SALL4: variants seen among roughly 807,000 people sequenced by gnomAD.
SALL4 encodes the protein sal-like protein 4.
In SALL4, 4 loss-of-function variants were observed where a neutral mutation model predicts 60.8. That is an observed-to-expected ratio of 0.07 (90% CI 0.03 to 0.15). The LOEUF (loss-of-function observed/expected upper bound fraction) is 0.15, where lower values mean the gene tolerates loss of function less well. Ranked by LOEUF, SALL4 falls within the 10% of genes least tolerant of loss-of-function variation. SALL4 has a pLI of 1.00. For synonymous variants in SALL4, 580 were observed against 574.9 expected (o/e 1.01, Z -0.13); for missense variants, 1,178 against 1,394.7 (o/e 0.84, Z 2.48).
At chr20:51,800,698 C>T (rs566449609) in intron 1 of SALL4, among the ~76,000 whole-genome samples, 170 of 152,158 alleles carry the variant, frequency 1.1e-3, no homozygotes, top group African/African-American at 4.0e-3. Context: ...GTGGGCCAGG[C>T]CACGAAGCCT....
In SALL4 at chr20:51,784,106, T is replaced by G; in HGVS notation, c.*159A>C. 1.3e-6 allele frequency: 1 copy of G among 791,842 alleles called. No homozygotes were observed. The highest frequency in any genetic ancestry group is 2.6e-5 in the East Asian group (1 of 38,600). The allele number at this position is 791,842 out of a possible 1,614,324, so 49.1% of individuals were successfully genotyped here. ...CAAAGCAGCATAGCAACAATCGTGA[T>G]TGTAGCACTTGCCTGAGGTTGTGGT... On this transcript the variant is annotated 3_prime_UTR_variant, in exon 4 of 4. Coordinates refer to ENST00000217086, the MANE Select transcript of SALL4 (RefSeq NM_020436.5).
intron 1 of SALL4, chr20:51,792,724 T>C: frequency 1.8e-6 from 1 of 565,896 alleles, no homozygotes; most frequent in Non-Finnish European, 2.4e-6. Context: ...AAAAGGCTGA[T>C]CCCTGAATTT....
intron 1 of SALL4, 52 bp from the exon 2 acceptor site, chr20:51,792,404 G>A (rs1485904747): frequency 1.3e-6 from 2 of 1,593,144 alleles, no homozygotes; most frequent in African/African-American, 1.3e-5. Context: ...AAGATGTGGG[G>A]GGAGCCGGGC....
At chr20:51,794,427 C>A (rs2078068185) in intron 1 of SALL4, among the ~76,000 whole-genome samples, 1 of 152,078 alleles carries the variant, frequency 6.6e-6, no homozygotes. Flanking sequence ...GTGGCGCATG[C>A]CTAATCCCAG....
At chr20:51,792,687 TC>T (rs2078055534) in intron 1 of SALL4, 2 of 100,536 alleles carry the variant, frequency 2.0e-5, no homozygotes, top group Non-Finnish European at 2.2e-5. Flanking sequence ...AGACTCCATC[TC>T]AAAAAAAAAA....
rs1182627169 is a variant in SALL4, at chr20:51,790,820, C to T, written c.1663G>A (p.Val555Met). The T allele has an allele frequency of 6.2e-7, 1 of 1,613,972 alleles. No individual in the cohort carries two copies. Among genetic ancestry groups the T allele is most frequent in the Non-Finnish European group, 8.5e-7 (1 of 1,180,028 alleles). Residue 555 changes from valine to methionine, a missense_variant, in exon 2 of 4, where the codon GTG becomes ATG. Val to Met is a conservative substitution (Grantham distance 21, BLOSUM62 1). Transcript: ENST00000217086. The surrounding 1 kb of genome is among the most constrained non-coding windows in gnomAD (Gnocchi z 5.5). Reference sequence around the variant, plus strand: ...GTGGTGGCCTTGTCAATGTTCTCCACCAACTGCTGCAATTTCAGGGTCTCT... The same window carrying T: ...GTGGTGGCCTTGTCAATGTTCTCCATCAACTGCTGCAATTTCAGGGTCTCT... ...GSETLKLQQL[V>M]ENIDKATTDP...
rs1491146122 is a variant in SALL4 at position 51,784,027 on chromosome 20, AAG to A, written c.*236_*237del. The A allele has an allele frequency of 1.6e-5, 9 of 547,072 alleles. No homozygotes were observed. The highest frequency in any genetic ancestry group is 6.2e-5 in the South Asian group (3 of 48,172). 33.9% of individuals were successfully genotyped at this position (547,072 alleles called of 1,614,324 possible). Reference sequence around the variant, plus strand: ...AGAGCGAGACTCCATCTCAAAAAAAAAGAGTCTGTATTTGTTTTGGTATGCAT... The same window carrying A: ...AGAGCGAGACTCCATCTCAAAAAAAAAGTCTGTATTTGTTTTGGTATGCAT... On this transcript the variant is annotated 3_prime_UTR_variant, in exon 4 of 4. Coordinates refer to ENST00000217086, the MANE Select transcript of SALL4 (RefSeq NM_020436.5).
rs1345300722 is a variant in SALL4 at position 51,791,115 on chromosome 20, G to A, written c.1368C>T (p.Pro456=). The A allele has an allele frequency of 1.2e-6, 2 of 1,614,160 alleles. No homozygotes were observed. Among genetic ancestry groups the A allele is most frequent in the Non-Finnish European group, 8.5e-7 (1 of 1,180,038 alleles). ...QDKVAAGNGI[P]YALSVPDPID... ...TGGGGTCAGGTACAGAGAGTGCATA[G>A]GGGATGCCATTGCCGGCCGCCACTT... is the stretch of plus-strand genomic sequence containing the variant. Residue 456 remains proline (P), a synonymous_variant, in exon 2 of 4, where the codon CCC becomes CCT. Coordinates refer to ENST00000217086, the MANE Select transcript of SALL4 (RefSeq NM_020436.5). This position sits in a 1 kb window ranked among gnomAD's most constrained non-coding sequence, Gnocchi z 4.6.
rs1488900520 is a variant in SALL4, at chr20:51,790,726, C to T, written c.1757G>A (p.Arg586His). The change falls in exon 2 of 4, where the codon CGC (arginine) becomes CAC (histidine). Residue 586 changes from arginine (R) to histidine (H), a missense_variant. Around this residue, in one of 5 missense-constraint regions of SALL4, gnomAD observed 853 missense variants for 1,036.8 expected, o/e 0.82. Transcript: ENST00000217086. This position sits in a 1 kb window ranked among gnomAD's most constrained non-coding sequence, Gnocchi z 5.5. The stretch of plus-strand genomic sequence containing the variant: ...GAACGGTCTCTCCCCGGTGTGGGTG[C>T]GATAATGCATCTTGAGGGAGCTCTG... ...SCQSSLKMHY[R>H]THTGERPFQC... 9 of 1,613,920 alleles carry T rather than the reference C, an allele frequency of 5.6e-6. No homozygotes were observed. Among genetic ancestry groups the T allele is most frequent in the Admixed American group, 1.7e-5 (1 of 59,976 alleles).
Position 51,792,250 on chromosome 20 carries a change from C to A in SALL4, c.233G>T (p.Cys78Phe). The change falls in exon 2 of 4, where the codon TGT becomes TTT. Residue 78 changes from cysteine (C) to phenylalanine (F), a missense_variant. Cys to Phe is a radical substitution (Grantham distance 205). This residue lies in a region of SALL4 where 108 missense variants were observed against 95.7 expected (regional missense o/e 1.13). Transcript: ENST00000217086. ...CTCAGAGATGCTGAAGAACTCCGCA[C>A]AGCATTTCTCACAGACGTGCGTCTC... ...REETHVCEKC[C>F]AEFFSISEFL... The A allele has an allele frequency of 6.2e-7, 1 of 1,613,908 alleles. No individual in the cohort carries two copies. Among genetic ancestry groups the A allele is most frequent in the Non-Finnish European group, 8.5e-7 (1 of 1,180,038 alleles).
intron 3 of SALL4, among the ~76,000 whole-genome samples, chr20:51,787,479 C>A (rs996183189): frequency 6.6e-6 from 1 of 152,110 alleles, no homozygotes; most frequent in Admixed American, 6.5e-5. Context: ...ATAATTGCTA[C>A]AGAGAAAAAT....
chr20:51,784,131 T>A lies in SALL4; in HGVS notation c.*134A>T. On this transcript the variant is annotated 3_prime_UTR_variant, in exon 4 of 4. Coordinates refer to ENST00000217086, the MANE Select transcript of SALL4 (RefSeq NM_020436.5). The stretch of plus-strand genomic sequence containing the variant: ...TTGTAGCACTTGCCTGAGGTTGTGG[T>A]CACAACCAACGTAGTAAACATCATT... The A allele has an allele frequency of 9.4e-7, 1 of 1,063,202 alleles. No homozygotes were observed. The highest frequency in any genetic ancestry group is 2.4e-5 in the East Asian group (1 of 41,048). 65.9% of individuals were successfully genotyped at this position (1,063,202 alleles called of 1,614,324 possible).
At chr20:51,785,025 A>T (rs2077981937) in intron 3 of SALL4, among the ~76,000 whole-genome samples, 1 of 152,162 alleles carries the variant, frequency 6.6e-6, no homozygotes, top group South Asian at 2.1e-4. Flanking sequence ...CATGTAGGCC[A>T]GGCACGGTGG....
intron 3 of SALL4, among the ~76,000 whole-genome samples, chr20:51,787,814 GCTT>G (rs1463419262): frequency 6.6e-6 from 1 of 151,636 alleles, no homozygotes; most frequent in Non-Finnish European, 1.5e-5. Flanking sequence ...GCCCTTTTCA[GCTT>G]CTTAAGAGTT....
rs764908252 is a variant in SALL4, at chr20:51,792,107, T to C, written c.376A>G (p.Ser126Gly). Residue 126 changes from serine to glycine, a missense_variant, in exon 2 of 4, where the codon AGT (serine) becomes GGT (glycine). By Grantham distance (56) the Ser-to-Gly change is moderately conservative. Around this residue, in one of 5 missense-constraint regions of SALL4, gnomAD observed 853 missense variants for 1,036.8 expected, o/e 0.82. Transcript: ENST00000217086. ...CTGTGACAGTCCTTACTGCCGGGAC[T>C]GGTGGGCTGGTGGCTCAGTACAGCT... ...SGAVLSHQPT[S>G]PGSKDCHREN... is the part of the protein sequence containing the mutation. 6.2e-7 allele frequency: 1 copy of C among 1,614,108 alleles called. No homozygotes were observed. Among genetic ancestry groups the C allele is most frequent in the African/African-American group, 1.3e-5 (1 of 74,938 alleles).
At chr20:51,786,232 G>A (rs998244367) in intron 3 of SALL4, among the ~76,000 whole-genome samples, 21 of 150,798 alleles carry the variant, frequency 1.4e-4, no homozygotes, top group African/African-American at 2.2e-4. Flanking sequence ...GACTACAGGC[G>A]CCCACCGCCA....
intron 1 of SALL4, among the ~76,000 whole-genome samples, chr20:51,797,764 G>A (rs1232177943): frequency 8.5e-6 from 1 of 117,988 alleles, no homozygotes; most frequent in Admixed American, 1.2e-4. Flanking sequence ...CCAATAAGTT[G>A]GAAGAATGCA....
In SALL4 at chr20:51,783,925, C is replaced by A. The variant is rs113751216; in HGVS notation, c.*340G>T. 1.7e-3 allele frequency: 563 copies of A among 328,278 alleles called. 2 individuals carry two copies. Among genetic ancestry groups the A allele is most frequent in the African/African-American group, 9.8e-3 (454 of 46,490 alleles). The allele number at this position is 328,278 out of a possible 1,614,324, so 20.3% of individuals were successfully genotyped here. On this transcript the variant is annotated 3_prime_UTR_variant, in exon 4 of 4. Coordinates refer to ENST00000217086, the MANE Select transcript of SALL4 (RefSeq NM_020436.5). ...ATCCCAGCTACTCTGGAGGCTAAGG[C>A]AGGAGAATCACTTGAACCCAGAATG...
intron 1 of SALL4, chr20:51,792,735 C>G: frequency 3.0e-4 from 174 of 585,694 alleles, no homozygotes; most frequent in Non-Finnish European, 3.6e-4. Context: ...CCCTGAATTT[C>G]TTTTGTAACT....
Sources: allele counts gnomAD v4.1 joint callset (sites outside exome capture counted in the v4.1 genomes callset), GRCh38; gene constraint gnomAD v4.1.1; regional missense constraint gnomAD v4.1.1; non-coding constraint Gnocchi (gnomAD v3.1); transcripts MANE v1.5; gene names NCBI Gene and HGNC (gene_info 2026-07-23, HGNC 2026-07-21).